NCAM2: variants seen among roughly 807,000 people sequenced by gnomAD.
NCAM2 encodes the protein N-CAM-2.
NCAM2 carries 30 observed loss-of-function variants against 98.1 expected under a neutral mutation model. The ratio of observed to expected loss-of-function variants is 0.31; its 90% CI spans 0.23 to 0.41. The LOEUF is 0.41. Among genes scored for constraint, NCAM2 ranks in the 10% least tolerant of loss-of-function variants. The pLI is 1.00. For missense variants in NCAM2, 867 were observed against 1,005.8 expected (o/e 0.86, Z 1.87); for synonymous variants, 368 against 342.4 (o/e 1.07, Z -0.83).
At chr21:21,270,327 C>G (rs1370046592) in intron 1 of NCAM2, among the ~76,000 whole-genome samples, 1 of 152,156 alleles carries the variant, frequency 6.6e-6, no homozygotes, top group Non-Finnish European at 1.5e-5. Context: ...CAGGGCCTAA[C>G]TACCACATAA....
intron 8 of NCAM2, among the ~76,000 whole-genome samples, chr21:21,346,669 T>C (rs1318411618): frequency 2.0e-5 from 3 of 151,998 alleles, no homozygotes; most frequent in Non-Finnish European, 4.4e-5. Context: ...AAAATTAATA[T>C]CAAGCATCCT....
Position 21,286,383 on chromosome 21 carries a change from A to T in NCAM2, c.452A>T (p.His151Leu). 1 of 1,612,364 alleles carries T rather than the reference A, an allele frequency of 6.2e-7. No individual in the cohort carries two copies. Among genetic ancestry groups the T allele is most frequent in the Non-Finnish European group, 8.5e-7 (1 of 1,178,894 alleles). The change falls in exon 4 of 18, where the codon CAT (histidine) becomes CTT (leucine). Residue 151 changes from histidine to leucine, a missense_variant. His to Leu is a moderately conservative substitution (Grantham distance 99, BLOSUM62 -3). Around this residue, in one of 5 missense-constraint regions of NCAM2, gnomAD observed 447 missense variants for 495.7 expected, o/e 0.90. Coordinates refer to ENST00000400546, the MANE Select transcript of NCAM2 (RefSeq NM_004540.5). ...SPAPAVSWLY[H>L]NEEVTTISDN... ...GCACCTGCTGTCAGCTGGTTGTATCATAATGAGGAAGTCACCACTATTTCC... is the reference window on the plus strand; with the variant it reads ...GCACCTGCTGTCAGCTGGTTGTATCTTAATGAGGAAGTCACCACTATTTCC...
chr21:21,040,446 T>C (rs1183485228), intron 1 of NCAM2, among the ~76,000 whole-genome samples: 2 of 152,048 alleles, frequency 1.3e-5, no homozygotes, highest in African/African-American at 4.8e-5. Flanking sequence ...ACTGTACTGG[T>C]TTGCATTACA....
At chr21:21,018,650 G>T (rs2064367703) in intron 1 of NCAM2, among the ~76,000 whole-genome samples, 2 of 152,170 alleles carry the variant, frequency 1.3e-5, no homozygotes, top group Non-Finnish European at 1.5e-5. Context: ...TGTTGACAGA[G>T]AACAGATTTC....
intron 8 of NCAM2, among the ~76,000 whole-genome samples, chr21:21,368,110 TA>T (rs2075829448): frequency 6.6e-6 from 1 of 151,892 alleles, no homozygotes; most frequent in African/African-American, 2.4e-5. Context: ...AAGTATTGAA[TA>T]TGAAATACGG....
At chr21:21,416,764 A>G (rs920732061) in intron 10 of NCAM2, among the ~76,000 whole-genome samples, 3 of 152,126 alleles carry the variant, frequency 2.0e-5, no homozygotes, top group African/African-American at 7.2e-5. Context: ...AAAATTATAT[A>G]ACATTTCATT....
At chr21:21,512,472 G>C (rs1988450021) in intron 16 of NCAM2, among the ~76,000 whole-genome samples, 1 of 151,998 alleles carries the variant, frequency 6.6e-6, no homozygotes, top group Admixed American at 6.6e-5. Flanking sequence ...CCAGTAGCAT[G>C]CTTTTTTGTT....
chr21:21,386,671 G>A (rs557729545), intron 9 of NCAM2, among the ~76,000 whole-genome samples: 23 of 152,190 alleles, frequency 1.5e-4, no homozygotes, highest in Admixed American at 7.2e-4. Flanking sequence ...AGATACTGTC[G>A]ATTGTCCTCG....
chr21:21,264,980 T>TAA (rs1555846918), intron 1 of NCAM2, among the ~76,000 whole-genome samples: 28 of 12,046 alleles, frequency 2.3e-3, no homozygotes, highest in Non-Finnish European at 5.0e-3. Context: ...CACATATATA[T>TAA]TATATATGTG....
chr21:21,195,561 T>C (rs2068974659), intron 1 of NCAM2, among the ~76,000 whole-genome samples: 1 of 152,130 alleles, frequency 6.6e-6, no homozygotes. Context: ...CTCTCAAAAT[T>C]GACATTAATA....
intron 16 of NCAM2, among the ~76,000 whole-genome samples, chr21:21,511,348 T>C (rs1471492718): frequency 1.3e-5 from 2 of 152,032 alleles, no homozygotes; most frequent in Non-Finnish European, 2.9e-5. Flanking sequence ...TAAGTTGTTG[T>C]TGTTGCAGCT....
At chr21:21,420,838 T>C (rs1602288792) in intron 11 of NCAM2, among the ~76,000 whole-genome samples, 1 of 151,896 alleles carries the variant, frequency 6.6e-6, no homozygotes, top group South Asian at 2.1e-4. Flanking sequence ...AAGAGACTGT[T>C]ATACAAGCAA....
At chr21:21,448,806 A>C (rs893270540) in intron 12 of NCAM2, among the ~76,000 whole-genome samples, 4 of 152,084 alleles carry the variant, frequency 2.6e-5, no homozygotes, top group African/African-American at 9.6e-5. Context: ...AGTAATCCAC[A>C]CTAATTCCAT....
chr21:21,041,666 C>T (rs1601179448), intron 1 of NCAM2, among the ~76,000 whole-genome samples: 1 of 152,236 alleles, frequency 6.6e-6, no homozygotes, highest in East Asian at 1.9e-4. Flanking sequence ...GAGTTTTTCA[C>T]AAAGTAGATG....
intron 14 of NCAM2, among the ~76,000 whole-genome samples, chr21:21,476,782 A>G (rs1985223740): frequency 6.6e-6 from 1 of 152,082 alleles, no homozygotes. Flanking sequence ...GTCATAAAAC[A>G]TCATAGTAGT....
chr21:21,004,979 A>G (rs986200909), intron 1 of NCAM2, among the ~76,000 whole-genome samples: 2 of 152,176 alleles, frequency 1.3e-5, no homozygotes, highest in Non-Finnish European at 2.9e-5. Context: ...GAGAAAAAAA[A>G]TGAGTGAACA....
At chr21:21,049,485 TG>T (rs1435784651) in intron 1 of NCAM2, among the ~76,000 whole-genome samples, 1 of 206 alleles carries the variant, frequency 4.9e-3, no homozygotes, top group East Asian at 0.083. Context: ...AAAAAGAGCA[TG>T]AAAAATTAGA....
chr21:21,263,006 CAT>C (rs1415002820), intron 1 of NCAM2, among the ~76,000 whole-genome samples: 3 of 152,084 alleles, frequency 2.0e-5, no homozygotes, highest in East Asian at 3.9e-4. Flanking sequence ...CCCACAACAA[CAT>C]GTGGGAATTC....
At chr21:21,394,415 T>C (rs1449924434) in intron 9 of NCAM2, among the ~76,000 whole-genome samples, 2 of 148,970 alleles carry the variant, frequency 1.3e-5, no homozygotes, top group African/African-American at 5.0e-5. Context: ...GAACAGTGAG[T>C]GTTACAGGTT....
Sources: allele counts gnomAD v4.1 joint callset (sites outside exome capture counted in the v4.1 genomes callset), GRCh38; gene constraint gnomAD v4.1.1; regional missense constraint gnomAD v4.1.1; transcripts MANE v1.5; gene names NCBI Gene and HGNC (gene_info 2026-07-23, HGNC 2026-07-21).